Variants in MYOM1 observed in about 807,000 individuals in gnomAD.
The protein encoded by MYOM1 is myomesin 1, also known as myomesin-1.
MYOM1 carries 164 observed loss-of-function variants against 205.3 expected under a neutral mutation model. The ratio of observed to expected loss-of-function variants is 0.80; its 90% CI spans 0.70 to 0.91. The LOEUF is 0.91. Among genes scored for constraint, MYOM1 ranks in the 40% least tolerant of loss-of-function variants. The pLI is 0.00. For missense variants in MYOM1, 2,011 were observed against 2,127.3 expected, an observed-to-expected ratio of 0.95 and a Z score of 1.08; for synonymous variants, 772 against 789.4, an observed-to-expected ratio of 0.98 and a Z score of 0.37.
At chr18:3,086,257 G>A in intron 29 of MYOM1, 106 bp from the exon 30 acceptor site, 1 of 538,990 alleles carries the variant, frequency 1.9e-6, no homozygotes. Context: ...CACTGAACGT[G>A]GAGTGAGAAG....
intron 22 of MYOM1, among the ~76,000 whole-genome samples, chr18:3,107,090 T>C (rs1410570674): frequency 1.3e-5 from 2 of 152,184 alleles, no homozygotes; most frequent in Non-Finnish European, 2.9e-5. Flanking sequence ...TAAAAACTAT[T>C]AAAACTATAT....
In MYOM1 at chr18:3,164,259, G is replaced by T; in HGVS notation, c.1501+19C>A. 6.2e-7 allele frequency: 1 copy of T among 1,608,248 alleles called. No homozygotes were observed. The highest frequency in any genetic ancestry group is 8.5e-7 in the Non-Finnish European group (1 of 1,177,278). ...TGTACTAAATATTGTTAGGTGTTTT[G>T]TTTTTTGCTAGGACTTACCTCGAAC... On this transcript the variant is annotated intron_variant, in intron 10 of 37. Transcript: ENST00000356443.
chr18:3,231,778 G>A, the MYOM1 span, among the ~76,000 whole-genome samples: 1 of 149,406 alleles, frequency 6.7e-6, no homozygotes, highest in Non-Finnish European at 1.5e-5. Flanking sequence ...TCTTGACCTC[G>A]TGATCTGCCA....
the MYOM1 span, among the ~76,000 whole-genome samples, chr18:3,225,679 C>A: frequency 1.3e-5 from 2 of 152,184 alleles, no homozygotes; most frequent in African/African-American, 4.8e-5. Context: ...AAATGCCGAA[C>A]ATGTCCAAAG....
Position 3,149,146 on chromosome 18 carries a change from T to C in MYOM1, c.1899A>G (p.Ser633=). 6.2e-7 allele frequency: 1 copy of C among 1,613,786 alleles called. No individual in the cohort carries two copies. The highest frequency in any genetic ancestry group is 8.5e-7 in the Non-Finnish European group (1 of 1,179,684). The stretch of plus-strand genomic sequence containing the variant: ...ATCTGGGGCAACCAGACTTCTTACC[T>C]GAAGGTTCCTCTTCAGTAACAATGA... ...GQIIVTEEEP[S]EGIVPGPPTD... is the part of the protein sequence containing the mutation. Residue 633 remains serine, a splice_region_variant and synonymous_variant, in exon 13 of 38, where the codon TCA becomes TCG. Transcript: ENST00000356443.
chr18:3,151,340 C>T (rs1460882359), intron 12 of MYOM1, among the ~76,000 whole-genome samples: 1 of 151,590 alleles, frequency 6.6e-6, no homozygotes, highest in East Asian at 1.9e-4. Flanking sequence ...TGTATAATAA[C>T]AGGAATAAAA....
chr18:3,121,319 AAC>A, intron 19 of MYOM1, among the ~76,000 whole-genome samples: 1 of 152,274 alleles, frequency 6.6e-6, no homozygotes, highest in South Asian at 2.1e-4. Context: ...CTTTTTTAAA[AAC>A]CCACATCTAG....
At chr18:3,235,803 T>C in the MYOM1 span, among the ~76,000 whole-genome samples, 4 of 152,210 alleles carry the variant, frequency 2.6e-5, no homozygotes, top group African/African-American at 9.6e-5. Context: ...GGGTGGAAGC[T>C]GGGTGATGGA....
intron 3 of MYOM1, among the ~76,000 whole-genome samples, chr18:3,193,600 T>G (rs925913723): frequency 1.1e-4 from 17 of 152,258 alleles, no homozygotes; most frequent in African/African-American, 4.1e-4. Flanking sequence ...CACATCTCTC[T>G]CAGTGCAGGG....
At chr18:3,221,801 T>A (rs1366570936), upstream of MYOM1, among the ~76,000 whole-genome samples, 1 of 152,240 alleles carries the variant, frequency 6.6e-6, no homozygotes, top group African/African-American at 2.4e-5. Flanking sequence ...TTCATATACA[T>A]ACCTCTGCTA....
upstream of MYOM1, among the ~76,000 whole-genome samples, chr18:3,224,038 TTTTTTTTTGAGACACAGGCTCACTG>T (rs1285198545): frequency 7.9e-5 from 12 of 151,444 alleles, no homozygotes; most frequent in East Asian, 2.3e-3. Flanking sequence ...ATTTTTTTTT[TTTTTTTTTGAGACACAGGCTCACTG>T]TGTCACCCAG....
At chr18:3,120,235 G>T (rs1460556783) in intron 19 of MYOM1, among the ~76,000 whole-genome samples, 1 of 152,054 alleles carries the variant, frequency 6.6e-6, no homozygotes, top group Non-Finnish European at 1.5e-5. Context: ...ACCCCATATG[G>T]CAAAGGAGAA....
At chr18:3,090,579 TAAC>T in intron 27 of MYOM1, 76 bp downstream of exon 27, 1 of 1,550,120 alleles carries the variant, frequency 6.5e-7, no homozygotes, top group Non-Finnish European at 8.8e-7. Flanking sequence ...ACCTTTCAAA[TAAC>T]AACTTTTGTG....
At chr18:3,180,251 C>T (rs2008892522) in intron 5 of MYOM1, among the ~76,000 whole-genome samples, 1 of 152,206 alleles carries the variant, frequency 6.6e-6, no homozygotes, top group African/African-American at 2.4e-5. Context: ...CCCCAGCTAA[C>T]AACTTTTCTA....
the MYOM1 span, among the ~76,000 whole-genome samples, chr18:3,233,226 G>A: frequency 6.6e-6 from 1 of 152,260 alleles, no homozygotes; most frequent in East Asian, 1.9e-4. Context: ...CAGAAGTTTG[G>A]TAACAACATT....
upstream of MYOM1, among the ~76,000 whole-genome samples, chr18:3,221,401 G>A (rs2081328360): frequency 2.0e-5 from 3 of 152,148 alleles, no homozygotes; most frequent in Non-Finnish European, 4.4e-5. Context: ...TAACACTGTT[G>A]AGGACCTATC....
At position 3,209,901 on chromosome 18, in the gene MYOM1, A is replaced by G. The variant is rs546531303; in HGVS notation, c.290+5033T>C. Among the ~76,000 whole-genome samples the G allele has an allele frequency of 6.6e-6, 1 of 152,352 alleles. No individual in the cohort carries two copies. Among genetic ancestry groups the G allele is most frequent in the Admixed American group, 6.5e-5 (1 of 15,306 alleles). On this transcript the variant is annotated intron_variant, in intron 2 of 37. Coordinates refer to ENST00000356443, the MANE Select transcript of MYOM1 (RefSeq NM_003803.4). This position sits in a 1 kb window ranked among gnomAD's most constrained non-coding sequence, Gnocchi z 4.0. ...AATTCTACTTAATATAATAGATTCA[A>G]TACAATGTGCTTGGTAATTTATCCC...
At chr18:3,147,101 A>T (rs2080136577) in intron 13 of MYOM1, among the ~76,000 whole-genome samples, 1 of 141,162 alleles carries the variant, frequency 7.1e-6, no homozygotes, top group Middle Eastern at 3.4e-3. Context: ...ATTATAGATA[A>T]ATATATATAT....
At chr18:3,132,037 ATATG>A (rs1294100576) in intron 16 of MYOM1, among the ~76,000 whole-genome samples, 2 of 147,438 alleles carry the variant, frequency 1.4e-5, no homozygotes, top group East Asian at 2.0e-4. Flanking sequence ...ATTATTATAT[ATATG>A]TATATATAAT....
Sources: allele counts gnomAD v4.1 joint callset (sites outside exome capture counted in the v4.1 genomes callset), GRCh38; gene constraint gnomAD v4.1.1; non-coding constraint Gnocchi (gnomAD v3.1); transcripts MANE v1.5; gene names NCBI Gene and HGNC (gene_info 2026-07-23, HGNC 2026-07-21).